GBE1: variants seen among roughly 807,000 people sequenced by gnomAD.
GBE1 encodes 1,4-alpha-glucan-branching enzyme.
GBE1 carries 70 observed loss-of-function variants against 88.8 expected under a neutral mutation model. The ratio of observed to expected loss-of-function variants is 0.79; its 90% CI spans 0.65 to 0.96. GBE1 has a LOEUF of 0.96. Among genes scored for constraint, GBE1 ranks in the 40% least tolerant of loss-of-function variants. The pLI is 0.00. For synonymous variants in GBE1, 284 were observed against 300.1 expected (o/e 0.95, Z 0.56); for missense variants, 872 against 871.0 (o/e 1.00, Z -0.01).
chr3:81,531,949 C>A (rs776988635), intron 14 of GBE1, among the ~76,000 whole-genome samples: 1 of 151,936 alleles, frequency 6.6e-6, no homozygotes, highest in Non-Finnish European at 1.5e-5. Flanking sequence ...GCTCTCTTTG[C>A]GGGTGCTGGC....
intron 14 of GBE1, among the ~76,000 whole-genome samples, chr3:81,518,157 T>C (rs944142475): frequency 1.3e-5 from 2 of 151,466 alleles, no homozygotes; most frequent in African/African-American, 4.8e-5. Context: ...TTAAAGGTTA[T>C]GACAATATTT....
chr3:81,577,062 C>G (rs1313552567), intron 12 of GBE1, among the ~76,000 whole-genome samples: 1 of 151,998 alleles, frequency 6.6e-6, no homozygotes, highest in Non-Finnish European at 1.5e-5. Context: ...GCCTCAGCCT[C>G]CTGATTAGCT....
At chr3:81,623,336 C>T (rs917604942) in intron 7 of GBE1, among the ~76,000 whole-genome samples, 2 of 152,214 alleles carry the variant, frequency 1.3e-5, no homozygotes, top group African/African-American at 4.8e-5. Context: ...TTGCACGTCA[C>T]TTCATTCAGG....
At chr3:81,644,931 T>C (rs1467681088) in intron 6 of GBE1, among the ~76,000 whole-genome samples, 2 of 151,924 alleles carry the variant, frequency 1.3e-5, no homozygotes, top group East Asian at 3.9e-4. Flanking sequence ...TCCAGTATAA[T>C]GCCAAGATTT....
intron 1 of GBE1, among the ~76,000 whole-genome samples, chr3:81,758,855 T>C (rs1234679037): frequency 2.6e-4 from 39 of 152,194 alleles, no homozygotes; most frequent in Admixed American, 2.5e-3. Flanking sequence ...TATGGTTTGG[T>C]TGTGTCCCCA....
chr3:81,516,431 A>G (rs879847598), intron 14 of GBE1, among the ~76,000 whole-genome samples: 3 of 151,518 alleles, frequency 2.0e-5, no homozygotes, highest in Non-Finnish European at 1.5e-5. Context: ...TTCCTTTCAA[A>G]TATTACCTGA....
At chr3:81,706,240 C>G (rs1299166551) in intron 1 of GBE1, among the ~76,000 whole-genome samples, 1 of 152,132 alleles carries the variant, frequency 6.6e-6, no homozygotes, top group East Asian at 1.9e-4. Context: ...CCTTTTCCTT[C>G]CCTAAAGCAA....
At chr3:81,692,684 A>G (rs1009513787) in intron 2 of GBE1, among the ~76,000 whole-genome samples, 2 of 152,168 alleles carry the variant, frequency 1.3e-5, no homozygotes, top group Admixed American at 1.3e-4. Flanking sequence ...CCTTTTTTGG[A>G]CTAAACTTTA....
At chr3:81,509,800 A>G (rs181965828) in intron 14 of GBE1, 5 of 152,128 alleles carry the variant, frequency 3.3e-5, no homozygotes, top group Admixed American at 3.3e-4. Flanking sequence ...GTATAAATAT[A>G]ACTTCTATCA....
chr3:81,677,124 G>T (rs1290374882), intron 2 of GBE1, among the ~76,000 whole-genome samples: 1 of 152,216 alleles, frequency 6.6e-6, no homozygotes, highest in African/African-American at 2.4e-5. Flanking sequence ...TTTCTGCAGC[G>T]TTTTTGAGTT....
At chr3:81,546,017 A>C (rs1287423432) in intron 12 of GBE1, among the ~76,000 whole-genome samples, 3 of 152,110 alleles carry the variant, frequency 2.0e-5, no homozygotes, top group Admixed American at 2.0e-4. Context: ...CTGTTATAAT[A>C]GTTCTATGTT....
intron 3 of GBE1, among the ~76,000 whole-genome samples, chr3:81,668,365 C>T (rs1705143176): frequency 6.6e-6 from 1 of 152,102 alleles, no homozygotes; most frequent in Non-Finnish European, 1.5e-5. Context: ...GAAAATAAAG[C>T]TATATTAATC....
At chr3:81,612,233 A>C in intron 7 of GBE1, 1 of 501,090 alleles carries the variant, frequency 2.0e-6, no homozygotes, top group Non-Finnish European at 3.2e-6. Context: ...AAAAAAAAAA[A>C]AAAAAAAAAA....
chr3:81,720,447 G>A (rs1032553356), intron 1 of GBE1, among the ~76,000 whole-genome samples: 1 of 151,720 alleles, frequency 6.6e-6, no homozygotes, highest in African/African-American at 2.4e-5. Context: ...GAATAGGTCT[G>A]AAAGCACAGG....
chr3:81,536,457 G>A (rs1703074486), intron 13 of GBE1, among the ~76,000 whole-genome samples: 1 of 151,510 alleles, frequency 6.6e-6, no homozygotes, highest in Admixed American at 6.6e-5. Context: ...AGGTATAATG[G>A]CATCTATTGA....
intron 4 of GBE1, among the ~76,000 whole-genome samples, 178 bp from the exon 5 acceptor site, chr3:81,649,169 G>A (rs183205970): frequency 6.6e-6 from 1 of 152,180 alleles, no homozygotes; most frequent in African/African-American, 2.4e-5. Flanking sequence ...TTATGGTCCT[G>A]CTAGTGGACC....
chr3:81,756,536 C>T (rs1706604284), intron 1 of GBE1, among the ~76,000 whole-genome samples: 1 of 152,100 alleles, frequency 6.6e-6, no homozygotes, highest in African/African-American at 2.4e-5. Flanking sequence ...CTTATGAGAG[C>T]AAACAATCTA....
intron 13 of GBE1, 120 bp from the exon 14 acceptor site, chr3:81,535,445 T>C (rs1703062333): frequency 6.4e-6 from 6 of 937,028 alleles, no homozygotes; most frequent in South Asian, 1.9e-5. Flanking sequence ...TTCAGAACAC[T>C]ATATTTTTTT....
intron 2 of GBE1, among the ~76,000 whole-genome samples, chr3:81,694,182 G>A (rs931255663): frequency 6.6e-6 from 1 of 151,954 alleles, no homozygotes; most frequent in African/African-American, 2.4e-5. Context: ...ATGAGGGAAG[G>A]GGGGAGAAAA....
Sources: gnomAD v4.1 joint callset for allele counts (sites outside exome capture counted in the v4.1 genomes callset) on GRCh38, gnomAD v4.1.1 for gene constraint, MANE v1.5 for transcripts, NCBI Gene and HGNC (gene_info 2026-07-23, HGNC 2026-07-21) for gene names.